PRKCH: variants seen among roughly 807,000 people sequenced by gnomAD.
PRKCH encodes protein kinase C eta type.
A neutral mutation model predicts 82.5 loss-of-function variants in PRKCH; 28 were observed. That is an observed-to-expected ratio of 0.34 (90% CI 0.25 to 0.47). The LOEUF (loss-of-function observed/expected upper bound fraction) is 0.47, where lower values mean the gene tolerates loss of function less well. PRKCH is among the 20% of genes least tolerant of loss of function. PRKCH has a pLI of 1.00. For synonymous variants in PRKCH, 322 were observed against 327.4 expected (o/e 0.98, Z 0.18); for missense variants, 705 against 881.8 (o/e 0.80, Z 2.54).
chr14:61,200,916 A>G (rs944356022), intron 1 of PRKCH, among the ~76,000 whole-genome samples: 12 of 152,192 alleles, frequency 7.9e-5, no homozygotes, highest in Non-Finnish European at 1.6e-4. Flanking sequence ...GAATGTCATG[A>G]AACATATTTC....
intron 10 of PRKCH, among the ~76,000 whole-genome samples, chr14:61,503,871 G>T (rs1429343461): frequency 2.0e-5 from 3 of 152,114 alleles, no homozygotes; most frequent in Admixed American, 6.5e-5. Context: ...CAGGGAAAGT[G>T]ACCTGTGTTA....
At chr14:61,410,743 G>T (rs892241738) in intron 2 of PRKCH, among the ~76,000 whole-genome samples, 1 of 152,164 alleles carries the variant, frequency 6.6e-6, no homozygotes, top group Admixed American at 6.5e-5. Flanking sequence ...CAACGCACCC[G>T]ACCTCTATCC....
chr14:61,397,588 T>C (rs901548114), intron 2 of PRKCH, among the ~76,000 whole-genome samples: 1 of 152,246 alleles, frequency 6.6e-6, no homozygotes, highest in Non-Finnish European at 1.5e-5. Context: ...AACCAAACTA[T>C]GCTGAAGGTT....
chr14:61,288,017 T>C (rs2045330024), intron 1 of PRKCH, among the ~76,000 whole-genome samples: 1 of 152,204 alleles, frequency 6.6e-6, no homozygotes, highest in African/African-American at 2.4e-5. Context: ...TTTCAAAAAT[T>C]TCAGAAAGTT....
intron 2 of PRKCH, among the ~76,000 whole-genome samples, chr14:61,428,641 T>C (rs554910423): frequency 7.2e-5 from 11 of 152,332 alleles, no homozygotes; most frequent in Admixed American, 7.2e-4. Flanking sequence ...TTGTAGGACC[T>C]TATCAACATA....
chr14:61,315,748 A>G, intron 1 of PRKCH, among the ~76,000 whole-genome samples: 1 of 115,740 alleles, frequency 8.6e-6, no homozygotes, highest in Non-Finnish European at 1.7e-5. Context: ...AATGTTATTT[A>G]CTGGATTTTT....
At chr14:61,225,249 G>A (rs751722259) in intron 1 of PRKCH, among the ~76,000 whole-genome samples, 3 of 152,188 alleles carry the variant, frequency 2.0e-5, no homozygotes, top group Non-Finnish European at 4.4e-5. Context: ...CTGTTTTTTA[G>A]TTCTAGCTCT....
At chr14:61,218,284 T>C (rs750495959) in intron 1 of PRKCH, among the ~76,000 whole-genome samples, 29 of 152,216 alleles carry the variant, frequency 1.9e-4, no homozygotes, top group Non-Finnish European at 3.8e-4. Context: ...TCTCTGTCTC[T>C]GTCTCGTTAC....
intron 9 of PRKCH, among the ~76,000 whole-genome samples, chr14:61,463,680 A>G (rs1195620828): frequency 6.6e-6 from 1 of 152,138 alleles, no homozygotes; most frequent in Non-Finnish European, 1.5e-5. Flanking sequence ...ATTCATAAAG[A>G]TGTTTAATTT....
chr14:61,411,177 C>A (rs150575179), intron 2 of PRKCH, among the ~76,000 whole-genome samples: 1 of 152,184 alleles, frequency 6.6e-6, no homozygotes, highest in Non-Finnish European at 1.5e-5. Flanking sequence ...TCAGAAGACA[C>A]CAGCCTTCAT....
chr14:61,335,885 A>G (rs2045850610), intron 1 of PRKCH, among the ~76,000 whole-genome samples: 1 of 152,232 alleles, frequency 6.6e-6, no homozygotes, highest in Non-Finnish European at 1.5e-5. Context: ...TTATTGGACA[A>G]CTACCATAAT....
At chr14:61,348,307 G>T (rs999353920) in intron 1 of PRKCH, among the ~76,000 whole-genome samples, 2 of 152,104 alleles carry the variant, frequency 1.3e-5, no homozygotes, top group African/African-American at 4.8e-5. Flanking sequence ...GGGGGTGTGT[G>T]GCCATGAAGT....
chr14:61,231,842 C>T (rs1467074561), intron 1 of PRKCH, among the ~76,000 whole-genome samples: 1 of 152,076 alleles, frequency 6.6e-6, no homozygotes, highest in African/African-American at 2.4e-5. Context: ...TTGAAAAAAA[C>T]AGACTCCCCT....
chr14:61,395,020 A>G (rs1475730325), intron 2 of PRKCH, among the ~76,000 whole-genome samples: 1 of 152,184 alleles, frequency 6.6e-6, no homozygotes. Context: ...GTGTTTGCAT[A>G]TTTTAAAAGA....
At chr14:61,382,959 A>G (rs924679299) in intron 1 of PRKCH, among the ~76,000 whole-genome samples, 1 of 152,242 alleles carries the variant, frequency 6.6e-6, no homozygotes. Flanking sequence ...ATCATGGAAC[A>G]TTACAGCTAG....
intron 12 of PRKCH, among the ~76,000 whole-genome samples, chr14:61,545,578 G>T (rs1594802701): frequency 6.6e-6 from 1 of 151,832 alleles, no homozygotes; most frequent in East Asian, 1.9e-4. Flanking sequence ...CTTTTGGTTT[G>T]TTTTTTTTGT....
At chr14:61,235,042 C>G (rs2044776328) in intron 1 of PRKCH, among the ~76,000 whole-genome samples, 1 of 152,166 alleles carries the variant, frequency 6.6e-6, no homozygotes, top group Admixed American at 6.5e-5. Context: ...CCAAATGGCC[C>G]CCTTAAGCAA....
chr14:61,390,408 C>T (rs576795106), intron 1 of PRKCH, among the ~76,000 whole-genome samples: 30 of 152,328 alleles, frequency 2.0e-4, no homozygotes, highest in Non-Finnish European at 2.5e-4. Flanking sequence ...CAGTGTCTCA[C>T]GCCTGTAATC....
intron 2 of PRKCH, among the ~76,000 whole-genome samples, chr14:61,439,903 G>GA (rs1393159927): frequency 2.6e-5 from 4 of 151,978 alleles, no homozygotes; most frequent in East Asian, 1.9e-4. Flanking sequence ...TAGCTGTTAA[G>GA]AAAAAAAATA....
Sources: allele counts gnomAD v4.1 joint callset (sites outside exome capture counted in the v4.1 genomes callset), GRCh38; gene constraint gnomAD v4.1.1; transcripts MANE v1.5; gene names NCBI Gene and HGNC (gene_info 2026-07-23, HGNC 2026-07-21).